PALS2: variants seen among roughly 807,000 people sequenced by gnomAD.
The protein encoded by PALS2 is protein associated with LIN7 2, MAGUK p55 family member.
A neutral mutation model predicts 61.6 loss-of-function variants in PALS2; 27 were observed. The ratio of observed to expected loss-of-function variants is 0.44; its 90% CI spans 0.32 to 0.60. The LOEUF is 0.60. Ranked by LOEUF, PALS2 falls within the 20% of genes least tolerant of loss-of-function variation. The pLI is 0.05. For missense variants in PALS2, 554 were observed against 639.4 expected (o/e 0.87, Z 1.44); for synonymous variants, 236 against 218.6 (o/e 1.08, Z -0.70).
At chr7:24,587,253 A>G (rs536732433) in intron 1 of PALS2, among the ~76,000 whole-genome samples, 81 of 152,226 alleles carry the variant, frequency 5.3e-4, no homozygotes, top group Non-Finnish European at 1.0e-3. Context: ...ATGACGATGG[A>G]TGAGTGTGGG....
In PALS2 at chr7:24,687,344, A is replaced by G; in HGVS notation, c.1447-94A>G. On this transcript the variant is annotated intron_variant, in intron 11 of 11. Transcript: ENST00000222644. The surrounding 1 kb of genome is among the most constrained non-coding windows in gnomAD (Gnocchi z 4.5). ...TTAATACCAGAATTACCAGAAATATATCTAACCTATTTATTATATTCACTT... is the reference window on the plus strand; with the variant it reads ...TTAATACCAGAATTACCAGAAATATGTCTAACCTATTTATTATATTCACTT... 2.1e-6 allele frequency: 2 copies of G among 945,870 alleles called. No homozygotes were observed. The highest frequency in any genetic ancestry group is 1.6e-6 in the Non-Finnish European group (1 of 622,500). 58.6% of individuals were successfully genotyped at this position (945,870 alleles called of 1,614,324 possible). A position where few individuals can be genotyped will look rare whatever the true frequency, so the allele number is the denominator to read the frequency against.
At chr7:24,574,496 A>G (rs893398778) in intron 1 of PALS2, among the ~76,000 whole-genome samples, 8 of 151,552 alleles carry the variant, frequency 5.3e-5, no homozygotes, top group Non-Finnish European at 8.8e-5. Flanking sequence ...CATTTGTTAA[A>G]CTTCCATCAG....
rs533711156 is a variant in PALS2 at position 24,619,249 on chromosome 7, CTTTT to C, written c.-2-4415_-2-4412del. Among the ~76,000 whole-genome samples the C allele has an allele frequency of 3.9e-5, 6 of 152,032 alleles. No individual in the cohort carries two copies. In the South Asian group the frequency reaches 1.2e-3, roughly 32 times the overall value. On this transcript the variant is annotated intron_variant, in intron 1 of 11. Transcript: ENST00000222644. ...TTTGTTTTTGTTTTTGTTTTCCTCT[CTTTT>C]TATTTGGTAGTAATTCTGTTTCTCT...
chr7:24,603,350 G>A (rs184704451), intron 1 of PALS2, among the ~76,000 whole-genome samples: 1 of 152,192 alleles, frequency 6.6e-6, no homozygotes, highest in East Asian at 1.9e-4. Flanking sequence ...TGACTTTGCT[G>A]GTGAAAAGTG....
intron 9 of PALS2, among the ~76,000 whole-genome samples, chr7:24,678,306 T>A (rs1333677522): frequency 6.6e-6 from 1 of 152,198 alleles, no homozygotes; most frequent in Non-Finnish European, 1.5e-5. Flanking sequence ...GATCTCCTAC[T>A]TCTAAATTTT....
intron 3 of PALS2, among the ~76,000 whole-genome samples, chr7:24,642,648 A>G (rs1375645958): frequency 1.3e-5 from 2 of 152,172 alleles, no homozygotes; most frequent in African/African-American, 4.8e-5. Context: ...CTGAAAATCA[A>G]ATGGTAACAG....
chr7:24,635,362 G>A (rs921517226), intron 2 of PALS2, among the ~76,000 whole-genome samples: 28 of 152,118 alleles, frequency 1.8e-4, no homozygotes, highest in African/African-American at 6.0e-4. Context: ...TTCATTGCTA[G>A]TGTATAGAAA....
Position 24,693,247 on chromosome 7 carries a change from A to T in PALS2, c.*5633A>T, listed in dbSNP as rs1788557801. On this transcript the variant is annotated 3_prime_UTR_variant, in exon 12 of 12. Transcript: ENST00000222644. ...TGGTGTTGCTACCACAGAAGCCAAA[A>T]AGGTCTTAAAATTGGAAATAGATGT... is the stretch of plus-strand genomic sequence containing the variant. 6.6e-6 allele frequency: 1 copy of T among 152,186 alleles called. No homozygotes were observed. The highest frequency in any genetic ancestry group is 6.5e-5 in the Admixed American group (1 of 15,276). The allele number at this position is 152,186 out of a possible 1,614,324, so 9.4% of individuals were successfully genotyped here. A position where few individuals can be genotyped will look rare whatever the true frequency, so the allele number is the denominator to read the frequency against.
intron 1 of PALS2, among the ~76,000 whole-genome samples, chr7:24,575,245 C>A (rs952680260): frequency 1.3e-5 from 2 of 152,148 alleles, no homozygotes; most frequent in Non-Finnish European, 2.9e-5. Context: ...GAATTCTTGA[C>A]ATCTGGAATG....
At chr7:24,640,732 A>G (rs112396202) in intron 2 of PALS2, among the ~76,000 whole-genome samples, 7,839 of 151,670 alleles carry the variant, frequency 0.052, 226 homozygotes, top group Non-Finnish European at 0.06. Flanking sequence ...CTTTCGGCCG[A>G]GGGCGGTGGC....
At chr7:24,582,787 G>A (rs895875157) in intron 1 of PALS2, among the ~76,000 whole-genome samples, 7 of 150,376 alleles carry the variant, frequency 4.7e-5, no homozygotes, top group Non-Finnish European at 1.0e-4. Context: ...TCCAATAATT[G>A]GGTTTCTTAT....
At position 24,641,703 on chromosome 7, in the gene PALS2, CTT is replaced by C. The variant is rs1785563576; in HGVS notation, c.118-12_118-11del. The C allele has an allele frequency of 3.2e-6, 5 of 1,581,362 alleles. No individual in the cohort carries two copies. Among genetic ancestry groups the C allele is most frequent in the Non-Finnish European group, 4.3e-6 (5 of 1,164,516 alleles). ...ATAAGTATTACTACTTTAATATACTCTTATTTTTTCAGGCTCATGAGAGGCTA... is the reference window on the plus strand; with the variant it reads ...ATAAGTATTACTACTTTAATATACTCATTTTTTCAGGCTCATGAGAGGCTA... On this transcript the variant is annotated splice_polypyrimidine_tract_variant and intron_variant, in intron 2 of 11. Coordinates refer to ENST00000222644, the MANE Select transcript of PALS2 (RefSeq NM_001303037.2).
In PALS2 at chr7:24,687,135, T is replaced by C. The variant is rs1282471218; in HGVS notation, c.1447-303T>C. ...AAACCAGTCACCTGCAGTAATTGTT[T>C]TGTTACTGTAGATTCATTCCAAGAT... is the stretch of plus-strand genomic sequence containing the variant. On this transcript the variant is annotated intron_variant, in intron 11 of 11. Coordinates refer to ENST00000222644, the MANE Select transcript of PALS2 (RefSeq NM_001303037.2). The surrounding 1 kb of genome is among the most constrained non-coding windows in gnomAD (Gnocchi z 4.5). Among the ~76,000 whole-genome samples, 1 of 152,212 alleles carries C rather than the reference T, an allele frequency of 6.6e-6. No individual in the cohort carries two copies. The highest frequency in any genetic ancestry group is 2.4e-5 in the African/African-American group (1 of 41,456).
chr7:24,632,723 T>TA (rs140556864), intron 2 of PALS2, among the ~76,000 whole-genome samples: 9,598 of 152,216 alleles, frequency 0.063, 347 homozygotes, highest in African/African-American at 0.093. Flanking sequence ...CACTGATGTT[T>TA]CATGTTTATT....
At chr7:24,627,615 G>A (rs867165225) in intron 2 of PALS2, among the ~76,000 whole-genome samples, 5 of 151,918 alleles carry the variant, frequency 3.3e-5, no homozygotes, top group African/African-American at 9.7e-5. Context: ...TAGATAGACC[G>A]CTAGCCAGAC....
chr7:24,616,037 G>A (rs1323627963), intron 1 of PALS2, among the ~76,000 whole-genome samples: 1 of 152,094 alleles, frequency 6.6e-6, no homozygotes, highest in African/African-American at 2.4e-5. Context: ...AGGTAGAGAA[G>A]AAATGTACCT....
At chr7:24,642,879 A>G (rs1785635424) in intron 3 of PALS2, among the ~76,000 whole-genome samples, 1 of 152,154 alleles carries the variant, frequency 6.6e-6, no homozygotes, top group Admixed American at 6.6e-5. Flanking sequence ...GGACAATGGG[A>G]AACTTTAGGT....
intron 1 of PALS2, among the ~76,000 whole-genome samples, chr7:24,579,173 A>G (rs1044476249): frequency 6.6e-6 from 1 of 152,252 alleles, no homozygotes; most frequent in African/African-American, 2.4e-5. Flanking sequence ...AAGCATCTGT[A>G]AAGGTATTCA....
chr7:24,619,443 C>T (rs2721784), intron 1 of PALS2, among the ~76,000 whole-genome samples: 2 of 151,808 alleles, frequency 1.3e-5, no homozygotes, highest in Non-Finnish European at 2.9e-5. Context: ...TATGGCTGGG[C>T]GCGGTAGCTC....
Sources: allele counts gnomAD v4.1 joint callset (sites outside exome capture counted in the v4.1 genomes callset), GRCh38; gene constraint gnomAD v4.1.1; non-coding constraint Gnocchi (gnomAD v3.1); transcripts MANE v1.5; gene names NCBI Gene and HGNC (gene_info 2026-07-23, HGNC 2026-07-21).